The following ZYX variants were observed in gnomAD, a reference collection of about 807,000 sequenced individuals.
ZYX encodes the protein zyxin-2.
In ZYX, 37 loss-of-function variants were observed where a neutral mutation model predicts 58.1. The ratio of observed to expected loss-of-function variants is 0.64; its 90% CI spans 0.49 to 0.84. The LOEUF is 0.84. Ranked by LOEUF, ZYX falls within the 40% of genes least tolerant of loss-of-function variation. ZYX has a pLI of 0.00. For synonymous variants in ZYX, 324 were observed against 321.1 expected, an observed-to-expected ratio of 1.01 and a Z score of -0.10; for missense variants, 762 against 761.6, an observed-to-expected ratio of 1.00 and a Z score of -0.01.
At position 143,390,121 on chromosome 7, in the gene ZYX, G is replaced by A; in HGVS notation, c.1614+144G>A. ...GGTGGCTCATGGTGGCACCCCATCTGTCCTGCCAGAATGCTTCCTGCCACT... is the reference window on the plus strand; with the variant it reads ...GGTGGCTCATGGTGGCACCCCATCTATCCTGCCAGAATGCTTCCTGCCACT... On this transcript the variant is annotated intron_variant, in intron 9 of 9. Transcript: ENST00000322764. The surrounding 1 kb of genome is among the most constrained non-coding windows in gnomAD (Gnocchi z 4.3). The A allele has an allele frequency of 1.6e-6, 2 of 1,234,494 alleles. No individual in the cohort carries two copies. The highest frequency in any genetic ancestry group is 2.8e-5 in the South Asian group (2 of 70,856). The allele number at this position is 1,234,494 out of a possible 1,614,324, so 76.5% of individuals were successfully genotyped here.
At chr7:143,382,053 C>T (rs1005764423) in intron 2 of ZYX, 195 bp from the exon 3 acceptor site, 11 of 611,814 alleles carry the variant, frequency 1.8e-5, no homozygotes, top group Non-Finnish European at 3.1e-5. Flanking sequence ...ACGGGAGCTG[C>T]ACCACTCCTC....
At chr7:143,386,930 T>C (rs113730499) in intron 5 of ZYX, among the ~76,000 whole-genome samples, 2,391 of 152,176 alleles carry the variant, frequency 0.016, 74 homozygotes, top group African/African-American at 0.055. Context: ...TCCTGATGAA[T>C]GGGGATACCC....
In ZYX at chr7:143,388,033, G is replaced by A; in HGVS notation, c.1024-186G>A. The A allele has an allele frequency of 1.5e-6, 1 of 674,248 alleles. No homozygotes were observed. The highest frequency in any genetic ancestry group is 2.5e-6 in the Non-Finnish European group (1 of 394,426). 41.8% of individuals were successfully genotyped at this position (674,248 alleles called of 1,614,324 possible). A position where few individuals can be genotyped will look rare whatever the true frequency, so the allele number is the denominator to read the frequency against. On this transcript the variant is annotated intron_variant, in intron 5 of 9. Transcript: ENST00000322764. The surrounding 1 kb of genome is among the most constrained non-coding windows in gnomAD (Gnocchi z 7.5). ...GATCCAGGCTTAGGTCCCTTCCCCT[G>A]TTATTTGTGTGGTGCTGGGGATGGC...
At position 143,382,441 on chromosome 7, in the gene ZYX, A is replaced by G; in HGVS notation, c.402A>G (p.Pro134=). The change falls in exon 3 of 10, where the codon CCA becomes CCG. Residue 134 remains proline, a synonymous_variant. Transcript: ENST00000322764. ...GGCCTGAGGCCCCCATACCGCCCCCACCACAGGTACGGAGGCCTGGGAGGG... is the reference window on the plus strand; with the variant it reads ...GGCCTGAGGCCCCCATACCGCCCCCGCCACAGGTACGGAGGCCTGGGAGGG... The part of the protein sequence containing the change: ...EGGPEAPIPP[P]PQPREKVSSI... 1 of 1,592,710 alleles carries G rather than the reference A, an allele frequency of 6.3e-7. No individual in the cohort carries two copies.
rs77505209 is a variant in ZYX at position 143,388,355 on chromosome 7, C to A, written c.1144+16C>A. 641 of 1,613,418 alleles carry A rather than the reference C, an allele frequency of 4.0e-4. 1 individual carries two copies. The African/African-American group carries it at 7.7e-3, about 19-fold the overall frequency. On this transcript the variant is annotated intron_variant, in intron 6 of 9. Coordinates refer to ENST00000322764, the MANE Select transcript of ZYX (RefSeq NM_003461.5). The surrounding 1 kb of genome is among the most constrained non-coding windows in gnomAD (Gnocchi z 7.5). ...GCTGTCAACGGTGAGCCCACCCCAC[C>A]GGGACACCCCCACCCTGCCCCCACA...
intron 5 of ZYX, among the ~76,000 whole-genome samples, chr7:143,383,625 A>G (rs1443718689): frequency 2.0e-5 from 3 of 152,156 alleles, no homozygotes; most frequent in African/African-American, 7.2e-5. Context: ...TACCCCAGAA[A>G]GTTAAAGGGA....
At chr7:143,386,207 G>C (rs1413147188) in intron 5 of ZYX, among the ~76,000 whole-genome samples, 1 of 152,018 alleles carries the variant, frequency 6.6e-6, no homozygotes, top group Non-Finnish European at 1.5e-5. Flanking sequence ...GGTGATGGAG[G>C]GTGAGTGTTG....
chr7:143,390,727 G>C lies in ZYX; in HGVS notation c.*45G>C, dbSNP rs755804489. On this transcript the variant is annotated 3_prime_UTR_variant, in exon 10 of 10. Coordinates refer to ENST00000322764, the MANE Select transcript of ZYX (RefSeq NM_003461.5). This position sits in a 1 kb window ranked among gnomAD's most constrained non-coding sequence, Gnocchi z 4.3. ...AGACCGCAGTCCATGCCCCATTGTG[G>C]ACCACCCACACTGAGACCACCTGCC... is the stretch of plus-strand genomic sequence containing the variant. 1.9e-5 allele frequency: 27 copies of C among 1,447,090 alleles called. No homozygotes were observed. Among genetic ancestry groups the C allele is most frequent in the Admixed American group, 5.9e-5 (3 of 50,884 alleles). 89.6% of individuals were successfully genotyped at this position (1,447,090 alleles called of 1,614,324 possible). A position where few individuals can be genotyped will look rare whatever the true frequency, so the allele number is the denominator to read the frequency against.
chr7:143,385,861 T>C (rs1414959380), intron 5 of ZYX, among the ~76,000 whole-genome samples: 2 of 151,884 alleles, frequency 1.3e-5, no homozygotes, highest in East Asian at 3.9e-4. Flanking sequence ...GCTAGGCTGG[T>C]CTCGAACTCC....
At chr7:143,386,587 G>A (rs1233752547) in intron 5 of ZYX, among the ~76,000 whole-genome samples, 1 of 152,134 alleles carries the variant, frequency 6.6e-6, no homozygotes, top group South Asian at 2.1e-4. Context: ...GTGTGACTTG[G>A]GGTTGGAGAC....
At position 143,388,243 on chromosome 7, in the gene ZYX, C is replaced by A; in HGVS notation, c.1048C>A (p.Pro350Thr). ...GGTGCGCTCCCCTGGGGCCCCAGGG[C>A]CCCTGACTCTGAAGGAGGTGGAGGA... ...NQVRSPGAPG[P>T]LTLKEVEELE... Residue 350 changes from proline to threonine, a missense_variant, in exon 6 of 10, where the codon CCC (proline) becomes ACC (threonine). By Grantham distance (38) the Pro-to-Thr change is conservative. Coordinates refer to ENST00000322764, the MANE Select transcript of ZYX (RefSeq NM_003461.5). The surrounding 1 kb of genome is among the most constrained non-coding windows in gnomAD (Gnocchi z 7.5). 1 of 1,610,554 alleles carries A rather than the reference C, an allele frequency of 6.2e-7. No individual in the cohort carries two copies. Among genetic ancestry groups the A allele is most frequent in the Non-Finnish European group, 8.5e-7 (1 of 1,178,362 alleles).
Position 143,381,360 on chromosome 7 carries a change from C to T in ZYX, c.-65C>T. 4 of 1,156,054 alleles carry T rather than the reference C, an allele frequency of 3.5e-6. No homozygotes were observed. Among genetic ancestry groups the T allele is most frequent in the Non-Finnish European group, 4.3e-6 (4 of 937,002 alleles). The allele number at this position is 1,156,054 out of a possible 1,614,324, so 71.6% of individuals were successfully genotyped here. A position where few individuals can be genotyped will look rare whatever the true frequency, so the allele number is the denominator to read the frequency against. On this transcript the variant is annotated 5_prime_UTR_variant, in exon 1 of 10. Coordinates refer to ENST00000322764, the MANE Select transcript of ZYX (RefSeq NM_003461.5). ...GGACCGGGACGCAGAGTCTGCGGAC[C>T]CGGCGCCGAGGCGGCCACCCGAGAC...
Position 143,390,692 on chromosome 7 carries a change from G to GA in ZYX, c.*10_*11insA. The GA allele has an allele frequency of 6.4e-7, 1 of 1,564,864 alleles. No homozygotes were observed. The highest frequency in any genetic ancestry group is 8.7e-7 in the Non-Finnish European group (1 of 1,153,550). ...TAGAGCCCAGACCTGAGTGAGGACA[G>GA]GCCCTCTTCAGACCGCAGTCCATGC... is the stretch of plus-strand genomic sequence containing the variant. On this transcript the variant is annotated 3_prime_UTR_variant, in exon 10 of 10. Coordinates refer to ENST00000322764, the MANE Select transcript of ZYX (RefSeq NM_003461.5). The surrounding 1 kb of genome is among the most constrained non-coding windows in gnomAD (Gnocchi z 4.3).
Position 143,383,136 on chromosome 7 carries a change from G to GT in ZYX, c.839dup (p.Ser281GlnfsTer159), listed in dbSNP as rs1337231495. 6.2e-7 allele frequency: 1 copy of GT among 1,614,174 alleles called. No homozygotes were observed. Among genetic ancestry groups the GT allele is most frequent in the East Asian group, 2.2e-5 (1 of 44,882 alleles). On this transcript the variant is annotated frameshift_variant, in exon 5 of 10. Coordinates refer to ENST00000322764, the MANE Select transcript of ZYX (RefSeq NM_003461.5). LOFTEE classifies it high-confidence loss of function. ...CTAAGTTTACTCCTGTGGCTTCCAA[G>GT]TTCAGTCCTGGAGCCCCAGGTGGAT...
Position 143,387,979 on chromosome 7 carries a change from A to C in ZYX, c.1024-240A>C. ...CTGTGACTGCTCAGGGGGTTTGGGC[A>C]GAGTGGGTGGAAATGTCTTGCTGTA... On this transcript the variant is annotated intron_variant, in intron 5 of 9. Coordinates refer to ENST00000322764, the MANE Select transcript of ZYX (RefSeq NM_003461.5). This position sits in a 1 kb window ranked among gnomAD's most constrained non-coding sequence, Gnocchi z 5.8. 1.7e-6 allele frequency: 1 copy of C among 581,328 alleles called. No individual in the cohort carries two copies. Among genetic ancestry groups the C allele is most frequent in the Non-Finnish European group, 3.2e-6 (1 of 313,176 alleles). 36.0% of individuals were successfully genotyped at this position (581,328 alleles called of 1,614,324 possible).
At position 143,382,368 on chromosome 7, in the gene ZYX, A is replaced by T. The variant is rs769358547; in HGVS notation, c.329A>T (p.Glu110Val). 1 of 1,590,122 alleles carries T rather than the reference A, an allele frequency of 6.3e-7. No homozygotes were observed. The highest frequency in any genetic ancestry group is 8.6e-7 in the Non-Finnish European group (1 of 1,167,520). ...GAATCATTTCCCCCTGCGCCTCTGG[A>T]GGAGGAGATCTTCCCTTCCCCGCCG... is the stretch of plus-strand genomic sequence containing the variant. ...IEESFPPAPL[E>V]EEIFPSPPPP... The change falls in exon 3 of 10, where the codon GAG becomes GTG. Residue 110 changes from glutamate (E) to valine (V), a missense_variant. Glu to Val is a moderately radical substitution (Grantham distance 121). Transcript: ENST00000322764.
In ZYX at chr7:143,388,798, A is replaced by T. The variant is rs1804963046; in HGVS notation, c.1346A>T (p.Glu449Val). The change falls in exon 8 of 10, where the codon GAG becomes GTG. Residue 449 changes from glutamate (E) to valine (V), a missense_variant. By Grantham distance (121) the Glu-to-Val change is moderately radical. Coordinates refer to ENST00000322764, the MANE Select transcript of ZYX (RefSeq NM_003461.5). The surrounding 1 kb of genome is among the most constrained non-coding windows in gnomAD (Gnocchi z 7.5). The stretch of plus-strand genomic sequence containing the variant: ...CTGGAGAAGTGTAACACCTGCGGGG[A>T]GCCCATCACTGACCGCATGCTGAGG... Reference protein sequence around the residue: ...DTLEKCNTCGEPITDRMLRAT... With the variant: ...DTLEKCNTCGVPITDRMLRAT... 1 of 1,613,744 alleles carries T rather than the reference A, an allele frequency of 6.2e-7. No individual in the cohort carries two copies. The highest frequency in any genetic ancestry group is 8.5e-7 in the Non-Finnish European group (1 of 1,179,922).
intron 3 of ZYX, 59 bp downstream of exon 3, chr7:143,382,506 C>T (rs1176066269): frequency 6.3e-7 from 1 of 1,578,306 alleles, no homozygotes; most frequent in African/African-American, 1.3e-5. Flanking sequence ...GAGAAGAGGG[C>T]CCTTTCTTCT....
rs1325143266 is a variant in ZYX at position 143,389,820 on chromosome 7, C to T, written c.1494-37C>T. 8.7e-6 allele frequency: 14 copies of T among 1,610,802 alleles called. No individual in the cohort carries two copies. Among genetic ancestry groups the T allele is most frequent in the Non-Finnish European group, 1.1e-5 (13 of 1,179,168 alleles). ...GCGTGCGCACACCGGGGATGAAAGC[C>T]CTGGCTAACTCGGCTGGCCCTTTCT... On this transcript the variant is annotated intron_variant, in intron 8 of 9. Coordinates refer to ENST00000322764, the MANE Select transcript of ZYX (RefSeq NM_003461.5). The surrounding 1 kb of genome is among the most constrained non-coding windows in gnomAD (Gnocchi z 5.6).
Sources: gnomAD v4.1 joint callset for allele counts (sites outside exome capture counted in the v4.1 genomes callset) on GRCh38, gnomAD v4.1.1 for gene constraint, Gnocchi (gnomAD v3.1) non-coding constraint, MANE v1.5 for transcripts, NCBI Gene and HGNC (gene_info 2026-07-23, HGNC 2026-07-21) for gene names.